RTN1: variants seen among roughly 807,000 people sequenced by gnomAD.
RTN1 encodes the protein reticulon-1.
Under a neutral mutation model 65.5 loss-of-function variants are expected in RTN1, and 25 were observed. That is an observed-to-expected ratio of 0.38 (90% CI 0.28 to 0.53). RTN1 has a LOEUF of 0.53. Among genes scored for constraint, RTN1 ranks in the 20% least tolerant of loss-of-function variants. The pLI is 0.79. For missense variants in RTN1, 983 were observed against 1,025.4 expected, an observed-to-expected ratio of 0.96 and a Z score of 0.57; for synonymous variants, 471 against 447.6, an observed-to-expected ratio of 1.05 and a Z score of -0.66.
intron 1 of RTN1, among the ~76,000 whole-genome samples, chr14:59,814,212 T>C (rs1432842895): frequency 6.6e-6 from 1 of 152,084 alleles, no homozygotes; most frequent in East Asian, 1.9e-4. Context: ...ACACACACAT[T>C]AGCAGAAAAA....
At chr14:59,610,359 C>T in intron 3 of RTN1, 1 of 554,390 alleles carries the variant, frequency 1.8e-6, no homozygotes, top group Non-Finnish European at 3.2e-6. Flanking sequence ...GGACTGTTAT[C>T]TTAAAACAAC....
chr14:59,749,160 C>CTATCTATATA (rs1885304732), intron 1 of RTN1, among the ~76,000 whole-genome samples: 3 of 55,230 alleles, frequency 5.4e-5, no homozygotes, highest in South Asian at 8.1e-4. Flanking sequence ...CTATCTATAT[C>CTATCTATATA]TATCTATATA....
intron 1 of RTN1, among the ~76,000 whole-genome samples, chr14:59,823,271 T>TC: frequency 6.6e-6 from 1 of 151,942 alleles, no homozygotes. Flanking sequence ...TCCTTCCTTG[T>TC]CCCCTTTTTT....
At position 59,727,364 on chromosome 14, in the gene RTN1, C is replaced by A. The variant is rs1269546834; in HGVS notation, c.1320G>T (p.Pro440=). The change falls in exon 3 of 9, where the codon CCG becomes CCT. Residue 440 remains proline (P), a synonymous_variant. Transcript: ENST00000267484. The surrounding 1 kb of genome is among the most constrained non-coding windows in gnomAD (Gnocchi z 4.2). ...TGGATGGCGAGGCGGGCGAGGGCGGCGGGCCGCCCACGTGGCCAAAGCTCA... is the reference window on the plus strand; with the variant it reads ...TGGATGGCGAGGCGGGCGAGGGCGGAGGGCCGCCCACGTGGCCAAAGCTCA... The part of the protein sequence containing the change: ...GYVSFGHVGG[P]PPSPASPSIQ... 3 of 1,511,684 alleles carry A rather than the reference C, an allele frequency of 2.0e-6. No homozygotes were observed. The highest frequency in any genetic ancestry group is 2.6e-5 in the South Asian group (2 of 78,134). The allele number at this position is 1,511,684 out of a possible 1,614,324, so 93.6% of individuals were successfully genotyped here.
intron 3 of RTN1, among the ~76,000 whole-genome samples, chr14:59,609,199 C>G (rs1020852170): frequency 1.3e-5 from 2 of 151,906 alleles, no homozygotes; most frequent in South Asian, 2.1e-4. Context: ...GCAGAAGAAT[C>G]GCTTGAACCC....
chr14:59,701,622 G>A (rs1029295781), intron 3 of RTN1, among the ~76,000 whole-genome samples: 7 of 152,106 alleles, frequency 4.6e-5, no homozygotes, highest in African/African-American at 1.7e-4. Context: ...TTTAAACTGT[G>A]TCTATAATAG....
At chr14:59,679,897 G>C (rs554437065) in intron 3 of RTN1, among the ~76,000 whole-genome samples, 1 of 152,118 alleles carries the variant, frequency 6.6e-6, no homozygotes, top group South Asian at 2.1e-4. Flanking sequence ...CAGGTTGGGG[G>C]TTGGGGTTTG....
At chr14:59,782,985 A>G (rs911664251) in intron 1 of RTN1, among the ~76,000 whole-genome samples, 1 of 152,146 alleles carries the variant, frequency 6.6e-6, no homozygotes, top group African/African-American at 2.4e-5. Context: ...ACGCTGTGCT[A>G]ATAAGCACTT....
At chr14:59,786,821 T>C (rs1250473020) in intron 1 of RTN1, among the ~76,000 whole-genome samples, 2 of 152,112 alleles carry the variant, frequency 1.3e-5, no homozygotes, top group Non-Finnish European at 2.9e-5. Context: ...AGAGAAAAAA[T>C]ATTGGCTTGC....
At chr14:59,813,556 T>C (rs1194696670) in intron 1 of RTN1, among the ~76,000 whole-genome samples, 1 of 152,162 alleles carries the variant, frequency 6.6e-6, no homozygotes, top group Non-Finnish European at 1.5e-5. Context: ...TGACTGCCAA[T>C]AAAACCAAGC....
chr14:59,858,048 T>C (rs1040028447), intron 1 of RTN1, among the ~76,000 whole-genome samples: 3 of 152,172 alleles, frequency 2.0e-5, no homozygotes, highest in South Asian at 4.1e-4. Flanking sequence ...GTACCATCCA[T>C]CCAAGCAACA....
At chr14:59,861,615 C>G in intron 1 of RTN1, among the ~76,000 whole-genome samples, 1 of 152,276 alleles carries the variant, frequency 6.6e-6, no homozygotes, top group Non-Finnish European at 1.5e-5. Flanking sequence ...TTGAACATCA[C>G]TAACTGGGAG....
chr14:59,633,404 G>C (rs1882597187), intron 3 of RTN1, among the ~76,000 whole-genome samples: 1 of 152,156 alleles, frequency 6.6e-6, no homozygotes, highest in Non-Finnish European at 1.5e-5. Flanking sequence ...TATCATCTCT[G>C]GACCTCTCAT....
intron 1 of RTN1, among the ~76,000 whole-genome samples, chr14:59,818,319 C>T (rs932363898): frequency 3.3e-5 from 5 of 152,178 alleles, no homozygotes; most frequent in African/African-American, 1.2e-4. Flanking sequence ...TCTCACCCAT[C>T]TCCACTAGCA....
chr14:59,704,447 G>A lies in RTN1; in HGVS notation c.1765+22472C>T, dbSNP rs946681674. On this transcript the variant is annotated intron_variant, in intron 3 of 8. Transcript: ENST00000267484. ...AGATGCAATATGGTCTGCCATCAGGGGAAGGGGAAACAGAAATTCTCAGAG... is the reference window on the plus strand; with the variant it reads ...AGATGCAATATGGTCTGCCATCAGGAGAAGGGGAAACAGAAATTCTCAGAG... 3.9e-5 allele frequency among the ~76,000 whole-genome samples: 6 copies of A among 152,156 alleles called. No homozygotes were observed. In the East Asian group the frequency reaches 1.2e-3, roughly 29 times the overall value.
At chr14:59,791,201 T>C (rs1886341495) in intron 1 of RTN1, among the ~76,000 whole-genome samples, 1 of 152,228 alleles carries the variant, frequency 6.6e-6, no homozygotes, top group African/African-American at 2.4e-5. Context: ...CCCTTCTTGC[T>C]CCTTTACTCT....
chr14:59,687,302 C>T lies in RTN1; in HGVS notation c.1765+39617G>A, dbSNP rs796347467. Among the ~76,000 whole-genome samples the T allele has an allele frequency of 5.3e-5, 8 of 152,060 alleles. 1 individual carries two copies. Among genetic ancestry groups the T allele is most frequent in the African/African-American group, 1.9e-4 (8 of 41,496 alleles). ...CACCCCACCCTTCATGGATATAGAT[C>T]ATGGTGCAGAAGGACCCTCTCCACT... On this transcript the variant is annotated intron_variant, in intron 3 of 8. Transcript: ENST00000267484.
intron 1 of RTN1, among the ~76,000 whole-genome samples, chr14:59,822,917 C>G (rs1456405042): frequency 1.3e-5 from 2 of 151,414 alleles, no homozygotes; most frequent in African/African-American, 4.9e-5. Context: ...TGCTTTACGG[C>G]CAAGGGTGTG....
chr14:59,653,864 T>C (rs1380187773), intron 3 of RTN1, among the ~76,000 whole-genome samples: 1 of 152,118 alleles, frequency 6.6e-6, no homozygotes, highest in Non-Finnish European at 1.5e-5. Flanking sequence ...AGAATATTGT[T>C]ATAACAAGGA....
Sources: gnomAD v4.1 joint callset for allele counts (sites outside exome capture counted in the v4.1 genomes callset) on GRCh38, gnomAD v4.1.1 for gene constraint, Gnocchi (gnomAD v3.1) non-coding constraint, MANE v1.5 for transcripts, NCBI Gene and HGNC (gene_info 2026-07-23, HGNC 2026-07-21) for gene names.